RBBP8: variants seen among roughly 807,000 people sequenced by gnomAD.
The protein encoded by RBBP8 is RB binding protein 8, endonuclease.
A neutral mutation model predicts 108.3 loss-of-function variants in RBBP8; 88 were observed. The observed-to-expected ratio is 0.81, with a 90% confidence interval of 0.68 to 0.97. The LOEUF is 0.97. Among genes scored for constraint, RBBP8 ranks in the 50% least tolerant of loss-of-function variants. The pLI, the probability that RBBP8 is intolerant of heterozygous loss-of-function variation, is 0.00. For synonymous variants in RBBP8, 332 were observed against 348.2 expected (o/e 0.95, Z 0.52); for missense variants, 1,023 against 1,049.0 (o/e 0.98, Z 0.34).
At chr18:22,968,513 G>T (rs1354771237) in intron 4 of RBBP8, among the ~76,000 whole-genome samples, 1 of 152,150 alleles carries the variant, frequency 6.6e-6, no homozygotes, top group Non-Finnish European at 1.5e-5. Context: ...TTAGACTAGG[G>T]TTCATATTTT....
At chr18:22,917,233 G>A (rs554405928) in intron 3 of RBBP8, among the ~76,000 whole-genome samples, 1 of 152,090 alleles carries the variant, frequency 6.6e-6, no homozygotes, top group Non-Finnish European at 1.5e-5. Context: ...GGTCATTTTA[G>A]TTCAGTCCAA....
chr18:22,994,217 G>T (rs1307033102), intron 12 of RBBP8, among the ~76,000 whole-genome samples: 2 of 148,806 alleles, frequency 1.3e-5, no homozygotes, highest in African/African-American at 4.9e-5. Context: ...TAGAGACGGG[G>T]TTTCACCACA....
At chr18:22,993,938 G>GA (rs1263255793) in intron 12 of RBBP8, 91 bp downstream of exon 12, 2 of 1,346,000 alleles carry the variant, frequency 1.5e-6, no homozygotes, top group Non-Finnish European at 1.0e-6. Context: ...AATTGTTTTG[G>GA]AAAAAAACTT....
At chr18:22,930,255 T>C (rs1009874574), upstream of RBBP8, among the ~76,000 whole-genome samples, 2 of 152,232 alleles carry the variant, frequency 1.3e-5, no homozygotes, top group Non-Finnish European at 2.9e-5. Context: ...ATAGGTGTGC[T>C]GGGACATTAA....
At chr18:22,934,972 A>G (rs1248826249) in intron 1 of RBBP8, among the ~76,000 whole-genome samples, 1 of 148,294 alleles carries the variant, frequency 6.7e-6, no homozygotes, top group Non-Finnish European at 1.5e-5. Context: ...TATATTAAAT[A>G]ATATATAAAT....
chr18:23,023,048 C>T (rs1297286349), intron 18 of RBBP8, among the ~76,000 whole-genome samples: 4 of 151,918 alleles, frequency 2.6e-5, no homozygotes, highest in Middle Eastern at 3.4e-3. Context: ...AGCCTTGTGC[C>T]GCCATACCCA....
chr18:23,016,792 T>G (rs1194400227), intron 16 of RBBP8, 36 bp from the exon 17 acceptor site: 3 of 1,416,302 alleles, frequency 2.1e-6, no homozygotes, highest in African/African-American at 2.8e-5. Flanking sequence ...TCCTCTGAAC[T>G]CTAAGCTTTG....
intron 7 of RBBP8, among the ~76,000 whole-genome samples, chr18:22,984,352 ATATAG>A (rs1424652337): frequency 6.6e-6 from 1 of 152,182 alleles, no homozygotes; most frequent in Non-Finnish European, 1.5e-5. Flanking sequence ...GAGATAAATG[ATATAG>A]TATACATTAG....
At chr18:23,026,063 A>C in intron 18 of RBBP8, 80 bp from the exon 19 acceptor site, 1 of 1,098,462 alleles carries the variant, frequency 9.1e-7, no homozygotes, top group Non-Finnish European at 1.4e-6. Context: ...GCATCAAATA[A>C]GAGAAATGTT....
chr18:22,994,415 G>GTC (rs2045815704), intron 12 of RBBP8, among the ~76,000 whole-genome samples: 1 of 148,432 alleles, frequency 6.7e-6, no homozygotes, highest in Non-Finnish European at 1.5e-5. Context: ...GGCCGACGCT[G>GTC]GTGGATCACG....
rs200457331 is a variant in RBBP8, at chr18:22,936,108, A to AT, written c.-98-635dup. ...ACCAATTCAAAAGTTAAAAAAACCA[A>AT]TTTTTTTTTTTAATTGAGACAGGGT... On this transcript the variant is annotated intron_variant, in intron 1 of 18. Transcript: ENST00000327155. Among the ~76,000 whole-genome samples, 943 of 149,506 alleles carry AT rather than the reference A, an allele frequency of 6.3e-3. 6 individuals are homozygous for AT. The highest frequency in any genetic ancestry group is 0.01 in the Non-Finnish European group (687 of 67,210).
At chr18:23,008,981 G>C (rs1402255853) in intron 16 of RBBP8, among the ~76,000 whole-genome samples, 1 of 152,008 alleles carries the variant, frequency 6.6e-6, no homozygotes, top group African/African-American at 2.4e-5. Flanking sequence ...CACCGTGTTA[G>C]CCAGGATGGT....
At chr18:23,005,437 G>A (rs546215385) in intron 15 of RBBP8, among the ~76,000 whole-genome samples, 63 of 151,862 alleles carry the variant, frequency 4.1e-4, no homozygotes, top group South Asian at 1.2e-3. Context: ...TTTTTGAGAC[G>A]GAGTCTTGCT....
chr18:22,917,588 G>A (rs1262447082), intron 3 of RBBP8, among the ~76,000 whole-genome samples: 2 of 152,018 alleles, frequency 1.3e-5, no homozygotes, highest in South Asian at 2.1e-4. Context: ...AAATAGCTTC[G>A]GTATTTCCTG....
chr18:22,991,321 G>T (rs572924648), intron 10 of RBBP8, among the ~76,000 whole-genome samples: 1 of 152,266 alleles, frequency 6.6e-6, no homozygotes, highest in East Asian at 1.9e-4. Context: ...CCTTTAAAGA[G>T]CCAGTCATCC....
chr18:23,001,743 C>T lies in RBBP8; in HGVS notation c.2287+14C>T, dbSNP rs759505055. The T allele has an allele frequency of 1.9e-6, 3 of 1,613,918 alleles. No homozygotes were observed. The South Asian group carries it at 3.3e-5, about 18-fold the overall frequency. On this transcript the variant is annotated intron_variant, in intron 15 of 18. Transcript: ENST00000327155. The stretch of plus-strand genomic sequence containing the variant: ...AGAAACTACACAGTAAGATTTTTTT[C>T]TGTTTAATTATGGCTTCTCAGTTGC...
intron 4 of RBBP8, among the ~76,000 whole-genome samples, chr18:22,962,792 G>C (rs1168636642): frequency 6.6e-6 from 1 of 151,290 alleles, no homozygotes; most frequent in Admixed American, 6.6e-5. Flanking sequence ...GTACGGACAG[G>C]GTTTCACCAT....
At chr18:22,959,949 T>C (rs1019292419) in intron 4 of RBBP8, among the ~76,000 whole-genome samples, 1 of 144,780 alleles carries the variant, frequency 6.9e-6, no homozygotes, top group African/African-American at 2.5e-5. Context: ...TGGAGTACAG[T>C]GGTGCAATCT....
intron 3 of RBBP8, among the ~76,000 whole-genome samples, chr18:22,949,347 A>G (rs183262643): frequency 6.6e-6 from 1 of 152,230 alleles, no homozygotes; most frequent in African/African-American, 2.4e-5. Context: ...ACATTAATAA[A>G]TATATGCAAA....
Sources: gnomAD v4.1 joint callset for allele counts (sites outside exome capture counted in the v4.1 genomes callset) on GRCh38, gnomAD v4.1.1 for gene constraint, MANE v1.5 for transcripts, NCBI Gene and HGNC (gene_info 2026-07-23, HGNC 2026-07-21) for gene names.